The following LAMC2 variants were observed in gnomAD, a reference collection of about 807,000 sequenced individuals.
LAMC2 encodes laminin subunit gamma 2.
LAMC2 carries 97 observed loss-of-function variants against 140.2 expected under a neutral mutation model. The ratio of observed to expected loss-of-function variants is 0.69; its 90% CI spans 0.59 to 0.82. LAMC2 has a LOEUF of 0.82. Among genes scored for constraint, LAMC2 ranks in the 40% least tolerant of loss-of-function variants. The probability of loss-of-function intolerance (pLI) is 0.00; values close to 1 mark genes in which losing one functional copy is unlikely to be tolerated. For missense variants in LAMC2, 1,402 were observed against 1,476.1 expected (o/e 0.95, Z 0.82); for synonymous variants, 513 against 540.2 (o/e 0.95, Z 0.70).
intron 1 of LAMC2, among the ~76,000 whole-genome samples, chr1:183,200,888 T>C (rs1055642447): frequency 4.6e-5 from 7 of 152,158 alleles, no homozygotes; most frequent in African/African-American, 1.7e-4. Flanking sequence ...ATAGTTATTA[T>C]TATAATAAAT....
At chr1:183,242,880 C>A (rs555410353) in intron 22 of LAMC2, among the ~76,000 whole-genome samples, 1 of 150,532 alleles carries the variant, frequency 6.6e-6, no homozygotes, top group East Asian at 1.9e-4. Context: ...GACCTTAACA[C>A]GAAAGGAAAA....
chr1:183,239,722 A>T, intron 20 of LAMC2, 159 bp downstream of exon 20: 1 of 669,226 alleles, frequency 1.5e-6, no homozygotes, highest in Non-Finnish European at 2.6e-6. Flanking sequence ...GCAAAGACGC[A>T]TGACAGAGAA....
Position 183,225,643 on chromosome 1 carries a change from A to G in LAMC2, c.989A>G (p.Gln330Arg), listed in dbSNP as rs759990599. ...CATCCAAGCAATAATTGGAGCCCCCAGCTGAGTTACTTTGAGTATCGAAGG... is the reference window on the plus strand; with the variant it reads ...CATCCAAGCAATAATTGGAGCCCCCGGCTGAGTTACTTTGAGTATCGAAGG... ...NEHPSNNWSPQLSYFEYRRLL... is the reference protein window; with the variant it reads ...NEHPSNNWSPRLSYFEYRRLL... The change falls in exon 8 of 23, where the codon CAG becomes CGG. Residue 330 changes from glutamine (Q) to arginine (R), a missense_variant. Gln to Arg is a conservative substitution (Grantham distance 43). This residue lies in a region of LAMC2 where 723 missense variants were observed against 783.3 expected (regional missense o/e 0.92). Transcript: ENST00000264144. 5 of 1,614,130 alleles carry G rather than the reference A, an allele frequency of 3.1e-6. No homozygotes were observed. The highest frequency in any genetic ancestry group is 2.2e-5 in the South Asian group (2 of 91,088).
At position 183,231,010 on chromosome 1, in the gene LAMC2, T is replaced by A. The variant is rs746334000; in HGVS notation, c.1764T>A (p.Asp588Glu). The change falls in exon 12 of 23, where the codon GAT (aspartate) becomes GAA (glutamate). Residue 588 changes from aspartate to glutamate, a missense_variant. Physicochemically the swap from Asp to Glu is conservative, Grantham distance 45 (BLOSUM62 2). Coordinates refer to ENST00000264144, the MANE Select transcript of LAMC2 (RefSeq NM_005562.3). Reference protein sequence around the residue: ...MGSEPVGCRSDGTCVCKPGFG... With the variant: ...MGSEPVGCRSEGTCVCKPGFG... ...CAGAGCCTGTAGGATGTCGAAGTGA[T>A]GGCACCTGTGTTTGCAAGCCAGGAT... 6.2e-7 allele frequency: 1 copy of A among 1,614,176 alleles called. No individual in the cohort carries two copies. The highest frequency in any genetic ancestry group is 2.2e-5 in the East Asian group (1 of 44,878).
At chr1:183,221,612 C>T (rs1659473289) in intron 5 of LAMC2, among the ~76,000 whole-genome samples, 1 of 151,890 alleles carries the variant, frequency 6.6e-6, no homozygotes, top group East Asian at 1.9e-4. Flanking sequence ...ACCTGTAGTC[C>T]CAGCTACTCG....
intron 14 of LAMC2, 42 bp from the exon 15 acceptor site, chr1:183,234,325 G>A (rs1254128532): frequency 3.3e-6 from 5 of 1,515,526 alleles, no homozygotes; most frequent in Non-Finnish European, 4.6e-6. Context: ...CAAGTGCAAA[G>A]CCTTAACCGA....
chr1:183,256,277 T>A, the LAMC2 span, among the ~76,000 whole-genome samples: 2 of 151,758 alleles, frequency 1.3e-5, no homozygotes, highest in Non-Finnish European at 2.9e-5. Flanking sequence ...GGCATGGTAG[T>A]GTGTGCCTGT....
chr1:183,240,013 C>A, intron 20 of LAMC2, 27 bp from the exon 21 acceptor site: 2 of 1,613,936 alleles, frequency 1.2e-6, no homozygotes, highest in Non-Finnish European at 1.7e-6. Flanking sequence ...TCTCTCCTTC[C>A]GTCCCTGGCT....
chr1:183,237,595 C>A, intron 18 of LAMC2, 91 bp downstream of exon 18: 1 of 1,260,020 alleles, frequency 7.9e-7, no homozygotes, highest in Non-Finnish European at 1.1e-6. Flanking sequence ...CAAAAGCTCT[C>A]TGACCAGGCA....
chr1:183,253,904 CGTGTGTGTGTGTGTGTGTGTGT>C, the LAMC2 span, among the ~76,000 whole-genome samples: 5 of 144,270 alleles, frequency 3.5e-5, no homozygotes, highest in East Asian at 1.0e-3. Context: ...GTTCCACTTC[CGTGTGTGTGTGTGTGTGTGTGT>C]GTGTGTGTGT....
At position 183,216,622 on chromosome 1, in the gene LAMC2, C is replaced by T. The variant is rs114508540; in HGVS notation, c.404+1034C>T. On this transcript the variant is annotated intron_variant, in intron 3 of 22. Transcript: ENST00000264144. ...CTCTGCCTTCCCCGAAGCCGTGCAGCGCCTCCTGCTCCATCCCCACCCCAC... is the reference window on the plus strand; with the variant it reads ...CTCTGCCTTCCCCGAAGCCGTGCAGTGCCTCCTGCTCCATCCCCACCCCAC... Among the ~76,000 whole-genome samples, 1,232 of 152,280 alleles carry T rather than the reference C, an allele frequency of 8.1e-3. 16 individuals carry two copies. Among genetic ancestry groups the T allele is most frequent in the South Asian group, 0.046 (224 of 4,822 alleles).
chr1:183,257,397 C>T, the LAMC2 span, among the ~76,000 whole-genome samples: 6 of 152,162 alleles, frequency 3.9e-5, no homozygotes, highest in Admixed American at 1.3e-4. Context: ...GCCAAGATCA[C>T]GCTATTGCAC....
chr1:183,231,127 C>T (rs367971325), intron 12 of LAMC2, 24 bp downstream of exon 12: 7 of 1,613,836 alleles, frequency 4.3e-6, no homozygotes, highest in African/African-American at 2.7e-5. Flanking sequence ...CCCTTACCAC[C>T]CCCAACCCCA....
intron 13 of LAMC2, 65 bp downstream of exon 13, chr1:183,232,408 T>G: frequency 6.4e-7 from 1 of 1,562,774 alleles, no homozygotes; most frequent in Non-Finnish European, 8.8e-7. Context: ...ATGGCTACGT[T>G]AGGTCATAGA....
chr1:183,202,223 C>CAAAA (rs199561774), intron 1 of LAMC2, among the ~76,000 whole-genome samples: 3 of 142,400 alleles, frequency 2.1e-5, no homozygotes, highest in Non-Finnish European at 1.6e-5. Flanking sequence ...ACAACAACAA[C>CAAAA]AAAAAAAAAA....
At chr1:183,249,192 C>G (rs200966081), downstream of LAMC2, 2 of 152,218 alleles carry the variant, frequency 1.3e-5, no homozygotes, top group Non-Finnish European at 2.9e-5. Flanking sequence ...GACTTTCCCC[C>G]TTGTTCCTAT....
chr1:183,239,854 G>C, intron 20 of LAMC2, 186 bp from the exon 21 acceptor site: 1 of 719,560 alleles, frequency 1.4e-6, no homozygotes, highest in Non-Finnish European at 2.4e-6. Context: ...CATACCCCCA[G>C]ATTAGCTTGT....
Position 183,189,399 on chromosome 1 carries a change from G to C in LAMC2, c.79+2968G>C, listed in dbSNP as rs147988455. Among the ~76,000 whole-genome samples the C allele has an allele frequency of 2.8e-3, 431 of 152,250 alleles. 2 individuals carry two copies. Among genetic ancestry groups the C allele is most frequent in the Non-Finnish European group, 4.3e-3 (294 of 68,016 alleles). The stretch of plus-strand genomic sequence containing the variant: ...GAGCCCAGGAGTTCGAGACCAGCCT[G>C]GGCAACATGGAGAAACCCCACCTCT... On this transcript the variant is annotated intron_variant, in intron 1 of 22. Transcript: ENST00000264144.
chr1:183,233,174 T>C (rs560908774), intron 14 of LAMC2, among the ~76,000 whole-genome samples: 2 of 152,216 alleles, frequency 1.3e-5, no homozygotes, highest in Non-Finnish European at 2.9e-5. Context: ...TTTACTTTAG[T>C]TCATATTTAC....
Sources: gnomAD v4.1 joint callset for allele counts (sites outside exome capture counted in the v4.1 genomes callset) on GRCh38, gnomAD v4.1.1 for gene constraint, gnomAD v4.1.1 regional missense constraint, MANE v1.5 for transcripts, NCBI Gene and HGNC (gene_info 2026-07-23, HGNC 2026-07-21) for gene names.